CDH12: variants seen among roughly 807,000 people sequenced by gnomAD.
The protein encoded by CDH12 is cadherin-12.
Under a neutral mutation model 74.1 loss-of-function variants are expected in CDH12, and 41 were observed. The ratio of observed to expected loss-of-function variants is 0.55; its 90% confidence interval spans 0.43 to 0.72. The LOEUF is 0.72. Among genes scored for constraint, CDH12 ranks in the 30% least tolerant of loss-of-function variants. The probability of loss-of-function intolerance (pLI) is 0.00; values close to 1 mark genes in which losing one functional copy is unlikely to be tolerated. For synonymous variants in CDH12, 399 were observed against 355.0 expected (o/e 1.12, Z -1.39); for missense variants, 945 against 977.2 (o/e 0.97, Z 0.44).
intron 4 of CDH12, among the ~76,000 whole-genome samples, chr5:22,189,347 T>G (rs1041744585): frequency 1.3e-5 from 2 of 152,178 alleles, no homozygotes; most frequent in Non-Finnish European, 2.9e-5. Flanking sequence ...AATGATTATA[T>G]ACCAACATGA....
intron 3 of CDH12, among the ~76,000 whole-genome samples, chr5:22,235,546 A>T (rs1752532674): frequency 6.6e-6 from 1 of 151,304 alleles, no homozygotes; most frequent in Non-Finnish European, 1.5e-5. Flanking sequence ...GTGCCACTGC[A>T]CTCCAGCCTG....
At chr5:21,940,079 T>C (rs1755263436) in intron 6 of CDH12, among the ~76,000 whole-genome samples, 1 of 151,708 alleles carries the variant, frequency 6.6e-6, no homozygotes, top group East Asian at 2.0e-4. Flanking sequence ...AATAAATAAA[T>C]AAACAGGCAT....
Position 22,678,047 on chromosome 5 carries a change from G to A in CDH12, c.-522-172683C>T, listed in dbSNP as rs200729111. Among the ~76,000 whole-genome samples, 9 of 109,898 alleles carry A rather than the reference G, an allele frequency of 8.2e-5. 1 individual carries two copies. In the South Asian group the frequency reaches 8.9e-4, roughly 11 times the overall value. 72.1% of individuals were successfully genotyped at this position (109,898 alleles called of 152,430 possible). A position where few individuals can be genotyped will look rare whatever the true frequency, so the allele number is the denominator to read the frequency against. On this transcript the variant is annotated intron_variant, in intron 1 of 14. Coordinates refer to ENST00000382254, the MANE Select transcript of CDH12 (RefSeq NM_004061.5). Reference sequence around the variant, plus strand: ...CTCACCTCCTATACCATCCTCATGGGGGGGGGGGTTAGGATTTTAATGTAA... The same window carrying A: ...CTCACCTCCTATACCATCCTCATGGAGGGGGGGGTTAGGATTTTAATGTAA...
intron 1 of CDH12, among the ~76,000 whole-genome samples, chr5:22,604,865 T>C (rs985995653): frequency 2.0e-5 from 3 of 152,034 alleles, no homozygotes; most frequent in Admixed American, 2.0e-4. Flanking sequence ...AATAATGAAA[T>C]ACTCCCACAT....
chr5:22,749,740 G>C (rs764735838), intron 1 of CDH12, among the ~76,000 whole-genome samples: 1 of 152,152 alleles, frequency 6.6e-6, no homozygotes, highest in Non-Finnish European at 1.5e-5. Context: ...ATTTCTGATA[G>C]AATTTGAAAA....
At chr5:22,150,152 C>G (rs569386832) in intron 4 of CDH12, among the ~76,000 whole-genome samples, 9 of 152,058 alleles carry the variant, frequency 5.9e-5, no homozygotes, top group Non-Finnish European at 1.3e-4. Context: ...TCGACATCCA[C>G]TCAGGTATGA....
At chr5:22,552,011 T>C (rs773288742) in intron 1 of CDH12, among the ~76,000 whole-genome samples, 68 of 152,146 alleles carry the variant, frequency 4.5e-4, no homozygotes, top group Non-Finnish European at 6.5e-4. Context: ...TCTTTAAATG[T>C]AAGTAATATA....
intron 6 of CDH12, among the ~76,000 whole-genome samples, chr5:21,951,826 A>G (rs1322050499): frequency 1.3e-5 from 2 of 152,220 alleles, no homozygotes; most frequent in Non-Finnish European, 2.9e-5. Flanking sequence ...TGTCTCTCAA[A>G]TAGCAGGAAA....
chr5:21,756,334 G>GT (rs1207330447), intron 13 of CDH12, among the ~76,000 whole-genome samples: 2 of 151,890 alleles, frequency 1.3e-5, no homozygotes, highest in African/African-American at 2.4e-5. Context: ...ATATATGTTT[G>GT]TATGTATGGG....
At chr5:22,042,130 C>A (rs1580158170) in intron 5 of CDH12, among the ~76,000 whole-genome samples, 3 of 151,264 alleles carry the variant, frequency 2.0e-5, no homozygotes, top group Admixed American at 2.0e-4. Context: ...GACAATATAC[C>A]AAAACTTACA....
intron 2 of CDH12, among the ~76,000 whole-genome samples, chr5:22,482,907 C>T (rs1204311094): frequency 6.6e-6 from 1 of 152,102 alleles, no homozygotes; most frequent in Admixed American, 6.5e-5. Context: ...ATCCATATGG[C>T]CAGTGTGTTC....
intron 1 of CDH12, among the ~76,000 whole-genome samples, chr5:22,513,728 A>T (rs1404973373): frequency 6.6e-6 from 1 of 152,004 alleles, no homozygotes; most frequent in Non-Finnish European, 1.5e-5. Flanking sequence ...CAGGTGAATC[A>T]TGAGGTCAGG....
At chr5:22,793,015 G>T (rs1747996946) in intron 1 of CDH12, among the ~76,000 whole-genome samples, 1 of 152,134 alleles carries the variant, frequency 6.6e-6, no homozygotes, top group African/African-American at 2.4e-5. Flanking sequence ...GCACCCCAAG[G>T]TATGGTACCC....
intron 6 of CDH12, among the ~76,000 whole-genome samples, chr5:21,863,797 C>G (rs1259200341): frequency 1.3e-5 from 2 of 152,080 alleles, no homozygotes; most frequent in East Asian, 3.9e-4. Context: ...GAATGCAAAC[C>G]AGGAGAGTTA....
chr5:22,029,767 A>G (rs1738679447), intron 5 of CDH12, among the ~76,000 whole-genome samples: 1 of 151,896 alleles, frequency 6.6e-6, no homozygotes, highest in Non-Finnish European at 1.5e-5. Context: ...TACTGGGTAT[A>G]TACCCAAAGG....
chr5:22,163,161 G>A (rs1011497893), intron 4 of CDH12, among the ~76,000 whole-genome samples: 1 of 152,182 alleles, frequency 6.6e-6, no homozygotes, highest in African/African-American at 2.4e-5. Context: ...GATTACAGGC[G>A]TGAGCCACCG....
At chr5:22,529,513 A>T (rs1057430942) in intron 1 of CDH12, among the ~76,000 whole-genome samples, 1 of 152,098 alleles carries the variant, frequency 6.6e-6, no homozygotes, top group African/African-American at 2.4e-5. Context: ...TACTTTGGGG[A>T]GAGTCAGCCT....
intron 1 of CDH12, among the ~76,000 whole-genome samples, chr5:22,838,238 A>G (rs1441973092): frequency 6.6e-6 from 1 of 152,106 alleles, no homozygotes; most frequent in African/African-American, 2.4e-5. Context: ...CAAAGGGGGC[A>G]ACAGCTTCTT....
chr5:21,981,580 T>C (rs534016799), intron 5 of CDH12, among the ~76,000 whole-genome samples: 1 of 152,272 alleles, frequency 6.6e-6, no homozygotes, highest in South Asian at 2.1e-4. Flanking sequence ...TTAACACCTT[T>C]ACGCTTCCCC....
Sources: gnomAD v4.1 joint callset for allele counts (sites outside exome capture counted in the v4.1 genomes callset) on GRCh38, gnomAD v4.1.1 for gene constraint, MANE v1.5 for transcripts, NCBI Gene and HGNC (gene_info 2026-07-23, HGNC 2026-07-21) for gene names.